Variants in CARS2 observed in about 807,000 individuals in gnomAD.
CARS2 encodes the protein probable cysteine--tRNA ligase, mitochondrial.
A neutral mutation model predicts 68.8 loss-of-function variants in CARS2; 52 were observed. That is an observed-to-expected ratio of 0.76 (90% CI 0.61 to 0.95). The LOEUF (loss-of-function observed/expected upper bound fraction) is 0.95. Among genes scored for constraint, CARS2 ranks in the 40% least tolerant of loss-of-function variants. The pLI is 0.00. For missense variants in CARS2, 780 were observed against 754.2 expected (o/e 1.03, Z -0.40); for synonymous variants, 314 against 303.6 (o/e 1.03, Z -0.36).
chr13:110,683,155 G>A, intron 5 of CARS2, 21 bp from the exon 6 acceptor site: 1 of 1,503,106 alleles, frequency 6.7e-7, no homozygotes, highest in Non-Finnish European at 9.0e-7. Flanking sequence ...AGACAATTAT[G>A]AATTCATCAC....
upstream of CARS2, among the ~76,000 whole-genome samples, chr13:110,709,345 C>T (rs149903561): frequency 3.3e-5 from 5 of 152,076 alleles, no homozygotes; most frequent in East Asian, 9.7e-4. Flanking sequence ...CCGCCCACCT[C>T]GGTCTCTGAA....
intron 9 of CARS2, chr13:110,663,186 G>C: frequency 1.7e-6 from 1 of 577,228 alleles, no homozygotes; most frequent in South Asian, 1.8e-5. Context: ...GCAAGGAAGA[G>C]GGCGCCGGCC....
chr13:110,673,548 T>C (rs141478806), intron 7 of CARS2, among the ~76,000 whole-genome samples: 158 of 152,318 alleles, frequency 1.0e-3, no homozygotes, highest in African/African-American at 3.6e-3. Flanking sequence ...AAACTAGGTA[T>C]TGATGGGGCG....
At chr13:110,644,218 G>A in intron 13 of CARS2, 167 bp downstream of exon 13, 1 of 1,431,016 alleles carries the variant, frequency 7.0e-7, no homozygotes, top group Non-Finnish European at 9.4e-7. Context: ...CAATTAATAA[G>A]TATTGGCTCT....
At position 110,647,190 on chromosome 13, in the gene CARS2, C is replaced by T. The variant is rs1483281620; in HGVS notation, c.1104G>A (p.Leu368=). 1 of 1,613,306 alleles carries T rather than the reference C, an allele frequency of 6.2e-7. No homozygotes were observed. Among genetic ancestry groups the T allele is most frequent in the East Asian group, 2.2e-5 (1 of 44,878 alleles). Residue 368 remains leucine (L), a synonymous_variant, in exon 11 of 15, where the codon CTG becomes CTA. Transcript: ENST00000257347. ...CGTCCTCCAGGAAAGAGCCCAGCCC[C>T]AGGAGCAGCTGCTGAGCTTGGAGCA... ...SAMLQAQQLL[L]GLGSFLEDAR... is the part of the protein sequence containing the mutation.
intron 7 of CARS2, among the ~76,000 whole-genome samples, chr13:110,671,492 T>C (rs941640242): frequency 5.3e-5 from 8 of 152,100 alleles, no homozygotes; most frequent in African/African-American, 1.7e-4. Flanking sequence ...AGAAATAAAA[T>C]CCTTTACAGA....
rs1192485297 is a variant in CARS2, at chr13:110,676,295, C to T, written c.785+679G>A. Among the ~76,000 whole-genome samples the T allele has an allele frequency of 6.6e-6, 1 of 152,358 alleles. No individual in the cohort carries two copies. Among genetic ancestry groups the T allele is most frequent in the East Asian group, 1.9e-4 (1 of 5,170 alleles). ...TGTGGGCAGAGCCACAGGGTGTGGA[C>T]ACCTCAGGTGCGTCCAAGGGGACCA... On this transcript the variant is annotated intron_variant, in intron 7 of 14. Coordinates refer to ENST00000257347, the MANE Select transcript of CARS2 (RefSeq NM_024537.4). This position sits in a 1 kb window ranked among gnomAD's most constrained non-coding sequence, Gnocchi z 4.0.
At position 110,705,615 on chromosome 13, in the gene CARS2, G is replaced by A. The variant is rs763477994; in HGVS notation, c.225-44C>T. On this transcript the variant is annotated intron_variant, in intron 1 of 14. Coordinates refer to ENST00000257347, the MANE Select transcript of CARS2 (RefSeq NM_024537.4). This position sits in a 1 kb window ranked among gnomAD's most constrained non-coding sequence, Gnocchi z 4.0. The stretch of plus-strand genomic sequence containing the variant: ...TCCATCGTGTGGAACATATTTGCAA[G>A]AAAGGACATTCGATTCTGAGTTATA... 26 of 1,565,904 alleles carry A rather than the reference G, an allele frequency of 1.7e-5. No individual in the cohort carries two copies. In the East Asian group the frequency reaches 5.4e-4, roughly 32 times the overall value.
chr13:110,679,585 AAGAAAGAAAGAAAGAG>A (rs1566712154), intron 6 of CARS2, among the ~76,000 whole-genome samples: 6 of 11,322 alleles, frequency 5.3e-4, no homozygotes, highest in Non-Finnish European at 2.4e-3. Context: ...GAAAGAAAGA[AAGAAAGAAAGAAAGAG>A]AGAGAGAGAG....
At chr13:110,706,354 G>A (rs115357804), upstream of CARS2, 5,896 of 282,436 alleles carry the variant, frequency 0.021, 343 homozygotes, top group African/African-American at 0.12. Flanking sequence ...CCGGGAGGCC[G>A]TGGGAAGAGG....
rs1052471458 is a variant in CARS2, at chr13:110,647,389, A to G, written c.1055-150T>C. On this transcript the variant is annotated intron_variant, in intron 10 of 14. Coordinates refer to ENST00000257347, the MANE Select transcript of CARS2 (RefSeq NM_024537.4). ...GCTCTCACGCCCTCCAGTGACCGCGAGTCCCTAGGCCCACTGGACACAGAC... is the reference window on the plus strand; with the variant it reads ...GCTCTCACGCCCTCCAGTGACCGCGGGTCCCTAGGCCCACTGGACACAGAC... 1.4e-5 allele frequency: 13 copies of G among 937,496 alleles called. No homozygotes were observed. The Admixed American group carries it at 3.4e-4, about 24-fold the overall frequency. 58.1% of individuals were successfully genotyped at this position (937,496 alleles called of 1,614,324 possible). A position where few individuals can be genotyped will look rare whatever the true frequency, so the allele number is the denominator to read the frequency against.
intron 6 of CARS2, among the ~76,000 whole-genome samples, chr13:110,679,173 A>G (rs1594341213): frequency 1.3e-5 from 2 of 152,226 alleles, no homozygotes; most frequent in South Asian, 4.1e-4. Flanking sequence ...CGGCAATGAC[A>G]GATGGCAACA....
In CARS2 at chr13:110,663,432, A is replaced by G. The variant is rs200141049; in HGVS notation, c.987+19T>C. ...CAAGCTATCGGCACCTCAGAGATACAATACAAAAAGCACGTTACCTTAATA... is the reference window on the plus strand; with the variant it reads ...CAAGCTATCGGCACCTCAGAGATACGATACAAAAAGCACGTTACCTTAATA... On this transcript the variant is annotated intron_variant, in intron 9 of 14. Coordinates refer to ENST00000257347, the MANE Select transcript of CARS2 (RefSeq NM_024537.4). 1 of 1,608,952 alleles carries G rather than the reference A, an allele frequency of 6.2e-7. No individual in the cohort carries two copies. Among genetic ancestry groups the G allele is most frequent in the South Asian group, 1.1e-5 (1 of 90,322 alleles).
chr13:110,712,544 C>A (rs1471809647), intron 1 of CARS2: 3 of 275,968 alleles, frequency 1.1e-5, no homozygotes, highest in South Asian at 6.5e-5. Context: ...GGGGGGCCGG[C>A]GCGCGGGGCC....
Position 110,678,873 on chromosome 13 carries a change from C to T in CARS2, c.656-1770G>A, listed in dbSNP as rs546868467. On this transcript the variant is annotated intron_variant, in intron 6 of 14. Transcript: ENST00000257347. Reference sequence around the variant, plus strand: ...GAGTGGACGGGGCTACAGAAGGCAGCGCAGGCGGAGGCTGGGCACTCCAAC... The same window carrying T: ...GAGTGGACGGGGCTACAGAAGGCAGTGCAGGCGGAGGCTGGGCACTCCAAC... 8.5e-5 allele frequency among the ~76,000 whole-genome samples: 13 copies of T among 152,180 alleles called. No homozygotes were observed. In the East Asian group the frequency reaches 1.4e-3, roughly 16 times the overall value.
intron 10 of CARS2, among the ~76,000 whole-genome samples, chr13:110,649,990 T>C (rs534512811): frequency 4.8e-4 from 69 of 142,270 alleles, no homozygotes; most frequent in African/African-American, 1.7e-3. Flanking sequence ...CAGGCTGGAG[T>C]GCAGTGGTGC....
At chr13:110,664,249 G>A (rs374493416) in intron 8 of CARS2, 12 of 960,236 alleles carry the variant, frequency 1.2e-5, no homozygotes, top group East Asian at 2.3e-4. Flanking sequence ...GCTCACACCC[G>A]TAATACCAGC....
chr13:110,709,076 TTTTTTC>T (rs1230707149), upstream of CARS2, among the ~76,000 whole-genome samples: 458 of 149,342 alleles, frequency 3.1e-3, 2 homozygotes, highest in African/African-American at 0.011. Flanking sequence ...CTCTTTTCTC[TTTTTTC>T]TTTTTTTTTT....
upstream of CARS2, among the ~76,000 whole-genome samples, chr13:110,708,186 A>T (rs181633313): frequency 3.9e-4 from 59 of 152,262 alleles, no homozygotes; most frequent in East Asian, 2.9e-3. Context: ...GGAAAAAAAA[A>T]ATTTAGAAGA....
Sources: allele counts gnomAD v4.1 joint callset (sites outside exome capture counted in the v4.1 genomes callset), GRCh38; gene constraint gnomAD v4.1.1; non-coding constraint Gnocchi (gnomAD v3.1); transcripts MANE v1.5; gene names NCBI Gene and HGNC (gene_info 2026-07-23, HGNC 2026-07-21).